The following ECPAS variants were observed in gnomAD, a reference collection of about 807,000 sequenced individuals.
ECPAS encodes the protein Ecm29 proteasome adaptor and scaffold, also known as proteasome adapter and scaffold protein ECM29.
Under a neutral mutation model 255.1 loss-of-function variants are expected in ECPAS, and 70 were observed. That is an observed-to-expected ratio of 0.27 (90% CI 0.23 to 0.33). ECPAS has a LOEUF of 0.33. ECPAS is among the 10% of genes least tolerant of loss of function. The pLI is 1.00. For synonymous variants in ECPAS, 784 were observed against 775.0 expected (o/e 1.01, Z -0.19); for missense variants, 1,817 against 2,206.4 (o/e 0.82, Z 3.54).
Position 111,391,831 on chromosome 9 carries a change from C to A in ECPAS, c.3093-7G>T. On this transcript the variant is annotated splice_region_variant and splice_polypyrimidine_tract_variant and intron_variant, in intron 28 of 49. Transcript: ENST00000684092. ...AGAAACTTCATGTTTAACTCTAAAC[C>A]AAAACAATAATTTCAATAAGCTTCA... 1 of 1,580,470 alleles carries A rather than the reference C, an allele frequency of 6.3e-7. No homozygotes were observed. Among genetic ancestry groups the A allele is most frequent in the Non-Finnish European group, 8.7e-7 (1 of 1,155,298 alleles).
At chr9:111,423,523 T>C (rs1321063576) in intron 12 of ECPAS, among the ~76,000 whole-genome samples, 1 of 152,160 alleles carries the variant, frequency 6.6e-6, no homozygotes, top group Non-Finnish European at 1.5e-5. Context: ...GTCATAGATA[T>C]GAAAGGTTTC....
chr9:111,483,569 G>C, intron 1 of ECPAS: 1 of 782,202 alleles, frequency 1.3e-6, no homozygotes, highest in Non-Finnish European at 1.5e-6. Flanking sequence ...GAACGAGGGA[G>C]GGGCTGGGGG....
Position 111,440,414 on chromosome 9 carries a change from A to G in ECPAS, c.497T>C (p.Leu166Pro). 6.2e-7 allele frequency: 1 copy of G among 1,613,714 alleles called. No homozygotes were observed. Among genetic ancestry groups the G allele is most frequent in the Non-Finnish European group, 8.5e-7 (1 of 1,179,668 alleles). ...GACATCTAGCATGAAGTCCAAAAGC[A>G]GCTGCACAGTCTTTGGTTTCTCAGC... ...NLAEKPKTVQ[L>P]LLDFMLDVLL... is the part of the protein sequence containing the mutation. Residue 166 changes from leucine (L) to proline (P), a missense_variant, in exon 6 of 50, where the codon CTG (leucine) becomes CCG (proline). This residue lies in a region of ECPAS where 573 missense variants were observed against 716.2 expected (regional missense o/e 0.80). Coordinates refer to ENST00000684092, the MANE Select transcript of ECPAS (RefSeq NM_001364929.1).
chr9:111,434,068 A>AC (rs1310655997), intron 7 of ECPAS, among the ~76,000 whole-genome samples: 1 of 152,244 alleles, frequency 6.6e-6, no homozygotes, highest in African/African-American at 2.4e-5. Context: ...CTGAAAAAAT[A>AC]AAGTTTCATT....
chr9:111,448,390 A>G (rs2098256017), intron 3 of ECPAS, among the ~76,000 whole-genome samples: 1 of 152,170 alleles, frequency 6.6e-6, no homozygotes, highest in Admixed American at 6.5e-5. Context: ...CAGGTTTTGG[A>G]GAAAAAAACC....
At chr9:111,463,265 T>G (rs2098275384) in intron 2 of ECPAS, among the ~76,000 whole-genome samples, 1 of 152,236 alleles carries the variant, frequency 6.6e-6, no homozygotes, top group Non-Finnish European at 1.5e-5. Context: ...TCAACCCTTC[T>G]GTGGTGAAAC....
At chr9:111,475,602 G>A (rs1218243437) in intron 1 of ECPAS, among the ~76,000 whole-genome samples, 1 of 152,072 alleles carries the variant, frequency 6.6e-6, no homozygotes, top group Non-Finnish European at 1.5e-5. Context: ...AGTTGTGATG[G>A]TGCACGCCTT....
At chr9:111,411,235 T>C in intron 21 of ECPAS, 93 bp from the exon 22 acceptor site, 4 of 1,278,466 alleles carry the variant, frequency 3.1e-6, no homozygotes, top group Non-Finnish European at 4.4e-6. Context: ...GGATCATCTC[T>C]CCAACAAAAC....
At chr9:111,445,587 G>A (rs944350052) in intron 3 of ECPAS, among the ~76,000 whole-genome samples, 2 of 152,124 alleles carry the variant, frequency 1.3e-5, no homozygotes, top group East Asian at 1.9e-4. Flanking sequence ...AGCCCAGAAC[G>A]ATAAGAGTTC....
Position 111,371,713 on chromosome 9 carries a change from C to T in ECPAS, c.4645G>A (p.Ala1549Thr). Residue 1549 changes from alanine to threonine, a missense_variant, in exon 43 of 50, where the codon GCA becomes ACA. Ala to Thr is a moderately conservative substitution (Grantham distance 58). Around this residue, in one of 4 missense-constraint regions of ECPAS, gnomAD observed 960 missense variants for 1,179.0 expected, o/e 0.81. Transcript: ENST00000684092. ...GGTACTAGAGAGCTAGTCTGTTTTG[C>T]AATTGATGCCATGGCAATTGCACCC... ...AQGAIAMASI[A>T]KQTSSLVPPY... is the part of the protein sequence containing the mutation. 1 of 1,613,848 alleles carries T rather than the reference C, an allele frequency of 6.2e-7. No homozygotes were observed. The highest frequency in any genetic ancestry group is 8.5e-7 in the Non-Finnish European group (1 of 1,179,808).
intron 1 of ECPAS, among the ~76,000 whole-genome samples, chr9:111,479,038 T>C (rs2098300176): frequency 6.6e-6 from 1 of 152,148 alleles, no homozygotes; most frequent in Non-Finnish European, 1.5e-5. Flanking sequence ...TGGCTGTGAG[T>C]GCATACTAGA....
intron 15 of ECPAS, among the ~76,000 whole-genome samples, chr9:111,420,488 A>C (rs886872408): frequency 6.6e-6 from 1 of 151,902 alleles, no homozygotes; most frequent in Non-Finnish European, 1.5e-5. Flanking sequence ...CGCCACCCCA[A>C]CTCTCAAACT....
Position 111,444,425 on chromosome 9 carries a change from T to C in ECPAS, c.223A>G (p.Thr75Ala), listed in dbSNP as rs1197565464. Reference sequence around the variant, plus strand: ...GGGTCCTGGTACTGAACCAACAGTGTCTCTACTGGAAGTTGTATTTTGGGG... The same window carrying C: ...GGGTCCTGGTACTGAACCAACAGTGCCTCTACTGGAAGTTGTATTTTGGGG... ...SRPKIQLPVE[T>A]LLVQYQDPAA... The change falls in exon 4 of 50, where the codon ACA (threonine) becomes GCA (alanine). Residue 75 changes from threonine (T) to alanine (A), a missense_variant. By Grantham distance (58) the Thr-to-Ala change is moderately conservative. Around this residue, in one of 4 missense-constraint regions of ECPAS, gnomAD observed 90 missense variants for 158.5 expected, o/e 0.57. Transcript: ENST00000684092. The C allele has an allele frequency of 2.5e-6, 4 of 1,613,918 alleles. No individual in the cohort carries two copies. The South Asian group carries it at 4.4e-5, about 18-fold the overall frequency.
At position 111,406,225 on chromosome 9, in the gene ECPAS, T is replaced by C. The variant is rs1158681289; in HGVS notation, c.2652+2346A>G. Among the ~76,000 whole-genome samples the C allele has an allele frequency of 3.3e-5, 5 of 149,518 alleles. 1 individual carries two copies. Among genetic ancestry groups the C allele is most frequent in the African/African-American group, 1.0e-4 (4 of 39,302 alleles). Reference sequence around the variant, plus strand: ...TGAAATCCTGTTGCTGACGGCAACATAGATGGAACCGGAGGACATTATATT... The same window carrying C: ...TGAAATCCTGTTGCTGACGGCAACACAGATGGAACCGGAGGACATTATATT... On this transcript the variant is annotated intron_variant, in intron 24 of 49. Coordinates refer to ENST00000684092, the MANE Select transcript of ECPAS (RefSeq NM_001364929.1).
chr9:111,394,020 G>T, intron 26 of ECPAS, 140 bp downstream of exon 26: 1 of 881,498 alleles, frequency 1.1e-6, no homozygotes, highest in Non-Finnish European at 1.7e-6. Context: ...TATACATCAG[G>T]CCACCATCCT....
In ECPAS at chr9:111,420,136, A is replaced by G; in HGVS notation, c.1456-16T>C. Reference sequence around the variant, plus strand: ...GAACTTCAGGCTATTTCATGTGTAAACATACACAGACCACCCCGATCCGAA... The same window carrying G: ...GAACTTCAGGCTATTTCATGTGTAAGCATACACAGACCACCCCGATCCGAA... On this transcript the variant is annotated splice_polypyrimidine_tract_variant and intron_variant, in intron 15 of 49. Transcript: ENST00000684092. The G allele has an allele frequency of 6.4e-7, 1 of 1,554,822 alleles. No individual in the cohort carries two copies. The highest frequency in any genetic ancestry group is 8.9e-7 in the Non-Finnish European group (1 of 1,129,038).
intron 18 of ECPAS, among the ~76,000 whole-genome samples, chr9:111,415,687 A>G (rs1449448024): frequency 1.3e-5 from 2 of 149,852 alleles, no homozygotes; most frequent in Admixed American, 1.3e-4. Flanking sequence ...CGGGCAACAG[A>G]GTGAGACTCC....
At chr9:111,439,159 G>A (rs957295684) in intron 6 of ECPAS, among the ~76,000 whole-genome samples, 3 of 152,162 alleles carry the variant, frequency 2.0e-5, no homozygotes, top group Non-Finnish European at 4.4e-5. Flanking sequence ...CGGGTGTTTT[G>A]TGTTTTTATG....
chr9:111,377,140 G>A (rs2098134264), intron 36 of ECPAS, among the ~76,000 whole-genome samples: 2 of 152,120 alleles, frequency 1.3e-5, no homozygotes, highest in South Asian at 4.1e-4. Context: ...GTCTACTGCT[G>A]AAAGAGGGAA....
Sources: gnomAD v4.1 joint callset for allele counts (sites outside exome capture counted in the v4.1 genomes callset) on GRCh38, gnomAD v4.1.1 for gene constraint, gnomAD v4.1.1 regional missense constraint, MANE v1.5 for transcripts, NCBI Gene and HGNC (gene_info 2026-07-23, HGNC 2026-07-21) for gene names.